Variants in RBFOX1 observed in about 807,000 individuals in gnomAD.
The protein encoded by RBFOX1 is RNA binding fox-1 homolog 1, also known as RNA binding protein fox-1 homolog 1.
Under a neutral mutation model 57.7 loss-of-function variants are expected in RBFOX1, and 8 were observed. That is an observed-to-expected ratio of 0.14 (90% CI 0.08 to 0.25). RBFOX1 has a LOEUF of 0.25. RBFOX1 is among the 10% of genes least tolerant of loss of function. RBFOX1 has a pLI of 1.00. For synonymous variants in RBFOX1, 326 were observed against 222.4 expected (o/e 1.47, Z -4.15); for missense variants, 611 against 548.5 (o/e 1.11, Z -1.14).
intron 1 of RBFOX1, among the ~76,000 whole-genome samples, chr16:5,343,489 T>G (rs1567360762): frequency 6.7e-6 from 1 of 150,022 alleles, no homozygotes; most frequent in African/African-American, 2.5e-5. Context: ...TAATTTTTTT[T>G]TTTGTGTATT....
chr16:6,554,182 T>C (rs945493195), intron 2 of RBFOX1, among the ~76,000 whole-genome samples: 2 of 152,188 alleles, frequency 1.3e-5, no homozygotes, highest in Admixed American at 6.5e-5. Flanking sequence ...GTGGTAGCTC[T>C]AGGGGTTTAA....
rs143082010 is a variant in RBFOX1, at chr16:7,479,866, G to C, written c.28-38281G>C. Among the ~76,000 whole-genome samples the C allele has an allele frequency of 1.3e-3, 193 of 152,308 alleles. 1 individual carries two copies. Among genetic ancestry groups the C allele is most frequent in the African/African-American group, 4.5e-3 (188 of 41,568 alleles). ...CCCTCAATAATTTGTTTTAATAATA[G>C]ACATTTTCAGCTTAAATGTGAGTTT... is the stretch of plus-strand genomic sequence containing the variant. On this transcript the variant is annotated intron_variant, in intron 4 of 15. Transcript: ENST00000550418.
intron 1 of RBFOX1, among the ~76,000 whole-genome samples, chr16:5,379,845 A>T (rs143063126): frequency 1.3e-5 from 2 of 152,310 alleles, no homozygotes; most frequent in Non-Finnish European, 2.9e-5. Context: ...ATAGTACCCA[A>T]GTCATTAAAC....
At chr16:6,292,568 C>T (rs75779292) in intron 1 of RBFOX1, among the ~76,000 whole-genome samples, 3,624 of 151,388 alleles carry the variant, frequency 0.024, 155 homozygotes, top group African/African-American at 0.082. Context: ...TTTTAGATAA[C>T]GTCTAAAGGA....
intron 14 of RBFOX1, chr16:7,693,390 GATGC>G: frequency 6.8e-7 from 1 of 1,476,700 alleles, no homozygotes; most frequent in African/African-American, 1.4e-5. Context: ...GCTACTTCTT[GATGC>G]ATCCATCCAA....
chr16:5,471,727 A>G (rs558635498), intron 2 of RBFOX1, among the ~76,000 whole-genome samples: 18 of 152,314 alleles, frequency 1.2e-4, no homozygotes, highest in African/African-American at 3.6e-4. Context: ...TCTGAGCCCA[A>G]GCTTCAGTGG....
chr16:5,891,591 G>A lies in RBFOX1; in HGVS notation c.351+24256G>A, dbSNP rs2058045803. 2.6e-5 allele frequency among the ~76,000 whole-genome samples: 4 copies of A among 152,116 alleles called. 1 individual carries two copies. In the South Asian group the frequency reaches 6.2e-4, roughly 24 times the overall value. On this transcript the variant is annotated intron_variant, in intron 4 of 19. Transcript: ENST00000641259. The stretch of plus-strand genomic sequence containing the variant: ...GGATGAGGTGGCAAAAATGGCAGAG[G>A]GGTTCCTTCTAGTCTACAGCTGGGT...
intron 4 of RBFOX1, among the ~76,000 whole-genome samples, chr16:7,087,791 T>C (rs2060215510): frequency 6.6e-6 from 1 of 152,192 alleles, no homozygotes; most frequent in South Asian, 2.1e-4. Flanking sequence ...ATACTCTTGG[T>C]GAAGTAAGGA....
At chr16:7,438,886 C>T (rs188786036) in intron 4 of RBFOX1, among the ~76,000 whole-genome samples, 1 of 152,172 alleles carries the variant, frequency 6.6e-6, no homozygotes, top group African/African-American at 2.4e-5. Context: ...GTGATCTATA[C>T]TGCATGAATC....
chr16:5,403,994 GC>G lies in RBFOX1; in HGVS notation c.220-63221del, dbSNP rs2066792393. 2.0e-5 allele frequency among the ~76,000 whole-genome samples: 3 copies of G among 151,190 alleles called. No homozygotes were observed. The South Asian group carries it at 6.3e-4, about 32-fold the overall frequency. On this transcript the variant is annotated intron_variant, in intron 1 of 2. Coordinates refer to the RBFOX1 transcript ENST00000585867. The stretch of plus-strand genomic sequence containing the variant: ...AGGACTTGGCCATGGGAAGGGTGGG[GC>G]TGGGCATGGGGTGGTGGGAAGCAGG...
At chr16:6,502,309 C>T (rs776389905) in intron 2 of RBFOX1, among the ~76,000 whole-genome samples, 1 of 152,114 alleles carries the variant, frequency 6.6e-6, no homozygotes, top group Non-Finnish European at 1.5e-5. Flanking sequence ...GGCATGCCAC[C>T]TTTAAGGGCT....
At chr16:6,536,756 T>G (rs553474708) in intron 2 of RBFOX1, among the ~76,000 whole-genome samples, 1 of 152,100 alleles carries the variant, frequency 6.6e-6, no homozygotes, top group Non-Finnish European at 1.5e-5. Context: ...TTTTAAAAGA[T>G]TAAAGAGAGA....
At chr16:7,260,759 C>G (rs1206761538) in intron 4 of RBFOX1, among the ~76,000 whole-genome samples, 1 of 152,160 alleles carries the variant, frequency 6.6e-6, no homozygotes, top group African/African-American at 2.4e-5. Context: ...ATAGAACACA[C>G]AGGGACTGAT....
At chr16:6,738,356 C>A (rs28680545) in intron 3 of RBFOX1, among the ~76,000 whole-genome samples, 30 of 152,008 alleles carry the variant, frequency 2.0e-4, no homozygotes, top group African/African-American at 7.0e-4. Context: ...GGAAGTGGAA[C>A]TGAGGGTCCG....
At chr16:5,443,969 G>A (rs893050372) in intron 1 of RBFOX1, among the ~76,000 whole-genome samples, 1 of 152,116 alleles carries the variant, frequency 6.6e-6, no homozygotes, top group African/African-American at 2.4e-5. Flanking sequence ...GTCAACCATC[G>A]GCTCATGAAA....
At chr16:7,142,603 T>G (rs1334777259) in intron 4 of RBFOX1, among the ~76,000 whole-genome samples, 6 of 152,212 alleles carry the variant, frequency 3.9e-5, no homozygotes, top group Non-Finnish European at 7.3e-5. Context: ...GGATTTTCCC[T>G]TATCTACTCA....
In RBFOX1 at chr16:5,547,214, T is replaced by A. The variant is rs1049446140; in HGVS notation, c.259-51688T>A. 2.0e-5 allele frequency among the ~76,000 whole-genome samples: 3 copies of A among 152,226 alleles called. No homozygotes were observed. The South Asian group carries it at 6.2e-4, about 32-fold the overall frequency. Reference sequence around the variant, plus strand: ...TGACAGTTTTCTAACTGGTTCAACATGCACCTGTCATGTCATCTAGCCATT... The same window carrying A: ...TGACAGTTTTCTAACTGGTTCAACAAGCACCTGTCATGTCATCTAGCCATT... On this transcript the variant is annotated intron_variant, in intron 2 of 2. Coordinates refer to the RBFOX1 transcript ENST00000585867.
At chr16:7,322,751 GA>G in intron 4 of RBFOX1, among the ~76,000 whole-genome samples, 1 of 152,306 alleles carries the variant, frequency 6.6e-6, no homozygotes, top group South Asian at 2.1e-4. Context: ...AAGCCAAGGA[GA>G]AATCAGCCCT....
chr16:6,598,036 C>A (rs992076420), intron 2 of RBFOX1, among the ~76,000 whole-genome samples: 5 of 152,202 alleles, frequency 3.3e-5, no homozygotes, highest in African/African-American at 1.2e-4. Flanking sequence ...AAAATGATAT[C>A]TTTATGGTTA....
Sources: allele counts gnomAD v4.1 joint callset (sites outside exome capture counted in the v4.1 genomes callset), GRCh38; gene constraint gnomAD v4.1.1; transcripts MANE v1.5; gene names NCBI Gene and HGNC (gene_info 2026-07-23, HGNC 2026-07-21).